The following NID1 variants were observed in gnomAD, a reference collection of about 807,000 sequenced individuals.
NID1 encodes nidogen-1.
A neutral mutation model predicts 130.6 loss-of-function variants in NID1; 76 were observed. That is an observed-to-expected ratio of 0.58 (90% CI 0.48 to 0.70). NID1 has a LOEUF of 0.70. NID1 is among the 30% of genes least tolerant of loss of function. The probability of loss-of-function intolerance (pLI) is 0.00; values close to 1 mark genes in which losing one functional copy is unlikely to be tolerated. For missense variants in NID1, 1,517 were observed against 1,664.8 expected, an observed-to-expected ratio of 0.91 and a Z score of 1.54; for synonymous variants, 665 against 675.1, an observed-to-expected ratio of 0.98 and a Z score of 0.23.
rs959929378 is a variant in NID1, at chr1:235,980,663, GA to G, written c.3228-11del. 3.1e-6 allele frequency: 5 copies of G among 1,603,510 alleles called. No individual in the cohort carries two copies. In the African/African-American group the frequency reaches 4.0e-5, roughly 13 times the overall value. On this transcript the variant is annotated splice_polypyrimidine_tract_variant and intron_variant, in intron 16 of 19. Coordinates refer to ENST00000264187, the MANE Select transcript of NID1 (RefSeq NM_002508.3). The stretch of plus-strand genomic sequence containing the variant: ...TGTCCAGTAAAGGTTCCTGGAGGAG[GA>G]AAAAGGGGGGAAAGAGGAAAAGAAA...
chr1:236,046,409 C>T lies in NID1; in HGVS notation c.526-726G>A, dbSNP rs545329972. Among the ~76,000 whole-genome samples the T allele has an allele frequency of 1.1e-4, 16 of 152,126 alleles. 1 individual carries two copies. In the South Asian group the frequency reaches 2.3e-3, roughly 22 times the overall value. On this transcript the variant is annotated intron_variant, in intron 2 of 19. Coordinates refer to ENST00000264187, the MANE Select transcript of NID1 (RefSeq NM_002508.3). The stretch of plus-strand genomic sequence containing the variant: ...TTCTGTAATCGAAACATTTGCAAAG[C>T]GCTGCAGGAGCCGTAAGAGGAAGCG...
chr1:235,991,435 A>T (rs3768078), intron 13 of NID1, among the ~76,000 whole-genome samples: 4 of 152,048 alleles, frequency 2.6e-5, no homozygotes, highest in East Asian at 1.9e-4. Flanking sequence ...CTGGTTCAAG[A>T]GATTCTTGTG....
chr1:235,985,571 C>T (rs576999361), intron 14 of NID1, 66 bp from the exon 15 acceptor site: 8 of 1,566,352 alleles, frequency 5.1e-6, no homozygotes, highest in African/African-American at 2.7e-5. Context: ...AATCTTTTTG[C>T]GTGCCTACAG....
At chr1:236,055,586 T>G (rs1572624023) in intron 1 of NID1, among the ~76,000 whole-genome samples, 1 of 150,902 alleles carries the variant, frequency 6.6e-6, no homozygotes, top group African/African-American at 2.4e-5. Context: ...ATCCGGGGGG[T>G]GGAGGTTGCA....
At chr1:236,013,130 A>C (rs1166556808) in intron 11 of NID1, among the ~76,000 whole-genome samples, 1 of 152,224 alleles carries the variant, frequency 6.6e-6, no homozygotes, top group East Asian at 1.9e-4. Flanking sequence ...TTTGTGAAAG[A>C]CAGAAAATAT....
intron 6 of NID1, among the ~76,000 whole-genome samples, chr1:236,031,104 C>A (rs540324135): frequency 6.6e-6 from 1 of 151,982 alleles, no homozygotes; most frequent in South Asian, 2.1e-4. Flanking sequence ...CAGGTTCAAT[C>A]CTTTTCTTTT....
chr1:236,054,388 G>A (rs1659840993), intron 1 of NID1, among the ~76,000 whole-genome samples: 1 of 152,024 alleles, frequency 6.6e-6, no homozygotes, highest in African/African-American at 2.4e-5. Flanking sequence ...CCTGGGAGGT[G>A]GAGGTTACAG....
At chr1:236,050,939 T>G (rs1659748353) in intron 1 of NID1, among the ~76,000 whole-genome samples, 1 of 151,864 alleles carries the variant, frequency 6.6e-6, no homozygotes, top group Admixed American at 6.6e-5. Context: ...AAAAATTAGC[T>G]GGGCATGGTG....
At chr1:236,054,741 A>T (rs1184122818) in intron 1 of NID1, among the ~76,000 whole-genome samples, 3 of 151,456 alleles carry the variant, frequency 2.0e-5, no homozygotes, top group African/African-American at 7.3e-5. Flanking sequence ...TCCTGGATTC[A>T]AGCAATTCTC....
rs562485632 is a variant in NID1, at chr1:235,981,535, A to C, written c.3227+76T>G. 12 of 1,479,278 alleles carry C rather than the reference A, an allele frequency of 8.1e-6. No individual in the cohort carries two copies. The South Asian group carries it at 9.1e-5, about 11-fold the overall frequency. The allele number at this position is 1,479,278 out of a possible 1,614,324, so 91.6% of individuals were successfully genotyped here. On this transcript the variant is annotated intron_variant, in intron 16 of 19. Coordinates refer to ENST00000264187, the MANE Select transcript of NID1 (RefSeq NM_002508.3). ...TTTCAGGAGACCAATGCTGGAGTTA[A>C]AGCCTCACATCTGAGAATCTCTAAA...
rs1657242214 is a variant in NID1 at position 235,976,171 on chromosome 1, A to C, written c.*1696T>G. ...TGGGGCTATATTTGCCTCTCAAGAC[A>C]AACTCCAATTATTCAAGGAAGACTT... On this transcript the variant is annotated 3_prime_UTR_variant, in exon 20 of 20. Transcript: ENST00000264187. The C allele has an allele frequency of 6.6e-6, 1 of 152,212 alleles. No individual in the cohort carries two copies. The highest frequency in any genetic ancestry group is 6.5e-5 in the Admixed American group (1 of 15,272). The allele number at this position is 152,212 out of a possible 1,614,324, so 9.4% of individuals were successfully genotyped here. A position where few individuals can be genotyped will look rare whatever the true frequency, so the allele number is the denominator to read the frequency against.
intron 1 of NID1, among the ~76,000 whole-genome samples, chr1:236,050,166 C>A (rs1016798327): frequency 6.6e-6 from 1 of 152,208 alleles, no homozygotes; most frequent in Non-Finnish European, 1.5e-5. Flanking sequence ...TTTGAACCCA[C>A]GGAGTCCGAC....
intron 4 of NID1, 77 bp from the exon 5 acceptor site, chr1:236,038,330 C>A: frequency 6.6e-7 from 1 of 1,509,934 alleles, no homozygotes; most frequent in Non-Finnish European, 9.0e-7. Flanking sequence ...ATCTAGGCAC[C>A]CTCAAGCACT....
chr1:236,044,018 T>C (rs1659527923), intron 3 of NID1, among the ~76,000 whole-genome samples: 1 of 152,174 alleles, frequency 6.6e-6, no homozygotes, highest in African/African-American at 2.4e-5. Flanking sequence ...TGATTGGAAG[T>C]GCTCCTATCA....
intron 12 of NID1, among the ~76,000 whole-genome samples, chr1:236,011,448 A>G (rs916267000): frequency 4.0e-5 from 6 of 151,864 alleles, no homozygotes; most frequent in Non-Finnish European, 7.4e-5. Flanking sequence ...GATTACAGGC[A>G]CAAGCCACTA....
chr1:236,040,831 T>C (rs1406712083), intron 4 of NID1, among the ~76,000 whole-genome samples: 1 of 151,970 alleles, frequency 6.6e-6, no homozygotes, highest in Non-Finnish European at 1.5e-5. Flanking sequence ...GCCTGGCTAA[T>C]GTTTTGCATT....
Position 236,029,741 on chromosome 1 carries a change from A to G in NID1, c.1547T>C (p.Phe516Ser). 15 of 1,614,082 alleles carry G rather than the reference A, an allele frequency of 9.3e-6. No homozygotes were observed. Among genetic ancestry groups the G allele is most frequent in the Non-Finnish European group, 1.3e-5 (15 of 1,179,998 alleles). The change falls in exon 7 of 20, where the codon TTC becomes TCC. Residue 516 changes from phenylalanine to serine, a missense_variant. Transcript: ENST00000264187. Reference sequence around the variant, plus strand: ...GAAGGTCACCTCAGCCTGGCGAGTGAACTCACCCCCTGAAAAACAAGATGA... The same window carrying G: ...GAAGGTCACCTCAGCCTGGCGAGTGGACTCACCCCCTGAAAAACAAGATGA... Reference protein sequence around the residue: ...KNGFSITGGEFTRQAEVTFVG... With the variant: ...KNGFSITGGESTRQAEVTFVG...
chr1:235,993,967 C>T lies in NID1; in HGVS notation c.2528-95G>A, dbSNP rs1350086917. On this transcript the variant is annotated intron_variant, in intron 12 of 19. Transcript: ENST00000264187. Reference sequence around the variant, plus strand: ...AGGAGTCCCCGCAGCTCGCTCAGAACCACGAGGGCTGCCTGTGTGTCACTG... The same window carrying T: ...AGGAGTCCCCGCAGCTCGCTCAGAATCACGAGGGCTGCCTGTGTGTCACTG... 1.7e-5 allele frequency: 19 copies of T among 1,104,864 alleles called. No homozygotes were observed. The Admixed American group carries it at 4.6e-4, about 27-fold the overall frequency. 68.4% of individuals were successfully genotyped at this position (1,104,864 alleles called of 1,614,324 possible). A position where few individuals can be genotyped will look rare whatever the true frequency, so the allele number is the denominator to read the frequency against.
At chr1:236,038,990 T>TATA (rs1659358138) in intron 4 of NID1, among the ~76,000 whole-genome samples, 1 of 92,062 alleles carries the variant, frequency 1.1e-5, no homozygotes, top group East Asian at 3.5e-4. Context: ...TATGTACATA[T>TATA]ACATATATGT....
Sources: gnomAD v4.1 joint callset for allele counts (sites outside exome capture counted in the v4.1 genomes callset) on GRCh38, gnomAD v4.1.1 for gene constraint, MANE v1.5 for transcripts, NCBI Gene and HGNC (gene_info 2026-07-23, HGNC 2026-07-21) for gene names.